Variants in TMOD3 observed in about 807,000 individuals in gnomAD.
TMOD3 encodes tropomodulin 3.
A neutral mutation model predicts 39.2 loss-of-function variants in TMOD3; 20 were observed. That is an observed-to-expected ratio of 0.51 (90% confidence interval 0.36 to 0.74). TMOD3 has a LOEUF of 0.74. Ranked by LOEUF, TMOD3 falls within the 30% of genes least tolerant of loss-of-function variation. TMOD3 has a pLI of 0.00. For missense variants in TMOD3, 381 were observed against 412.8 expected, an observed-to-expected ratio of 0.92 and a Z score of 0.67; for synonymous variants, 143 against 145.8, an observed-to-expected ratio of 0.98 and a Z score of 0.14.
At chr15:51,850,908 A>G (rs1324568496) in intron 1 of TMOD3, among the ~76,000 whole-genome samples, 4 of 152,000 alleles carry the variant, frequency 2.6e-5, no homozygotes, top group African/African-American at 9.7e-5. Context: ...TAATTTTTGT[A>G]TTTTTAGGAG....
intron 3 of TMOD3, among the ~76,000 whole-genome samples, chr15:51,877,597 T>C (rs1936984157): frequency 6.6e-6 from 1 of 151,824 alleles, no homozygotes; most frequent in Non-Finnish European, 1.5e-5. Flanking sequence ...GGAGAATCTC[T>C]TGAAACCGGA....
chr15:51,854,757 G>A (rs1179420586), intron 1 of TMOD3, among the ~76,000 whole-genome samples: 2 of 152,184 alleles, frequency 1.3e-5, no homozygotes, highest in Non-Finnish European at 2.9e-5. Context: ...AAATATAAAT[G>A]TAAATATGGC....
intron 1 of TMOD3, among the ~76,000 whole-genome samples, chr15:51,852,827 G>A (rs753140057): frequency 5.3e-5 from 8 of 152,210 alleles, no homozygotes; most frequent in Non-Finnish European, 1.2e-4. Context: ...CTCTTCAAGA[G>A]CTTTACAGTG....
intron 3 of TMOD3, among the ~76,000 whole-genome samples, chr15:51,877,892 G>A (rs992429150): frequency 1.4e-5 from 2 of 148,022 alleles, no homozygotes; most frequent in Admixed American, 1.3e-4. Context: ...GCTTTCAGAA[G>A]TTTTTTTTTT....
intron 1 of TMOD3, among the ~76,000 whole-genome samples, chr15:51,838,828 T>C (rs1412438436): frequency 6.6e-6 from 1 of 152,094 alleles, no homozygotes; most frequent in Non-Finnish European, 1.5e-5. Flanking sequence ...TGGTAGTGCC[T>C]CCAGACTTGG....
chr15:51,863,135 A>G, intron 2 of TMOD3, 125 bp downstream of exon 2: 1 of 986,520 alleles, frequency 1.0e-6, no homozygotes. Flanking sequence ...CTTTATCCAA[A>G]TCAAGTTGCT....
At chr15:51,866,106 C>T (rs1279471297) in intron 2 of TMOD3, among the ~76,000 whole-genome samples, 3 of 151,954 alleles carry the variant, frequency 2.0e-5, no homozygotes, top group African/African-American at 7.3e-5. Flanking sequence ...TCTAATGAAG[C>T]TTGGTTCATG....
chr15:51,877,242 T>C (rs767395395), intron 3 of TMOD3, among the ~76,000 whole-genome samples: 1 of 152,212 alleles, frequency 6.6e-6, no homozygotes, highest in Non-Finnish European at 1.5e-5. Context: ...TCTTTGCATG[T>C]TTGTAATTGT....
chr15:51,840,262 ACT>A (rs2056306795), intron 1 of TMOD3, among the ~76,000 whole-genome samples: 1 of 151,904 alleles, frequency 6.6e-6, no homozygotes, highest in Non-Finnish European at 1.5e-5. Context: ...TTAGTTTCCA[ACT>A]CTCTCAGTCT....
chr15:51,889,900 G>A (rs144399320), intron 5 of TMOD3, among the ~76,000 whole-genome samples: 36 of 151,994 alleles, frequency 2.4e-4, no homozygotes, highest in African/African-American at 8.7e-4. Context: ...TCTTAAATTA[G>A]CAAGGTGATA....
intron 9 of TMOD3, among the ~76,000 whole-genome samples, chr15:51,904,727 G>T (rs1466109242): frequency 5.3e-5 from 8 of 152,184 alleles, no homozygotes; most frequent in Non-Finnish European, 1.0e-4. Context: ...TGTAAGAAAA[G>T]AAATGTCCAG....
chr15:51,889,534 T>C (rs552510337), intron 5 of TMOD3, among the ~76,000 whole-genome samples: 69 of 152,232 alleles, frequency 4.5e-4, no homozygotes, highest in African/African-American at 1.7e-3. Context: ...AACCTTTCAG[T>C]CTGATGTGAA....
intron 6 of TMOD3, among the ~76,000 whole-genome samples, 157 bp downstream of exon 6, chr15:51,894,102 A>G (rs2056609174): frequency 6.6e-6 from 1 of 152,228 alleles, no homozygotes; most frequent in African/African-American, 2.4e-5. Flanking sequence ...TATTTTAGAT[A>G]TTGAAGTATT....
intron 7 of TMOD3, 113 bp downstream of exon 7, chr15:51,896,639 A>C: frequency 1.4e-6 from 1 of 702,572 alleles, no homozygotes; most frequent in South Asian, 2.1e-5. Context: ...TTAGCTCACT[A>C]TTAGGCAGTA....
chr15:51,860,718 C>G (rs1338948597), intron 1 of TMOD3: 1 of 406,206 alleles, frequency 2.5e-6, no homozygotes, highest in Non-Finnish European at 4.8e-6. Flanking sequence ...GGTGGATCAC[C>G]TGAGGTCAGG....
At chr15:51,852,120 G>C (rs2056365276) in intron 1 of TMOD3, among the ~76,000 whole-genome samples, 1 of 152,172 alleles carries the variant, frequency 6.6e-6, no homozygotes, top group South Asian at 2.1e-4. Context: ...TGTCTGTCTT[G>C]TATACTGCTT....
At chr15:51,893,977 G>A (rs764953544) in intron 6 of TMOD3, 32 bp downstream of exon 6, 1 of 1,508,054 alleles carries the variant, frequency 6.6e-7, no homozygotes, top group South Asian at 1.4e-5. Context: ...GTTTTGTATT[G>A]CTTTGAGTTA....
At chr15:51,833,456 G>A (rs1268443418) in intron 1 of TMOD3, 3 of 152,208 alleles carry the variant, frequency 2.0e-5, no homozygotes, top group East Asian at 3.8e-4. Context: ...TGTATACACT[G>A]TAACTTCTAC....
intron 5 of TMOD3, among the ~76,000 whole-genome samples, chr15:51,889,598 T>A (rs2056582162): frequency 6.6e-6 from 1 of 152,134 alleles, no homozygotes; most frequent in African/African-American, 2.4e-5. Flanking sequence ...AGGGGCCAGG[T>A]GTGGTGGATC....
Sources: gnomAD v4.1 joint callset for allele counts (sites outside exome capture counted in the v4.1 genomes callset) on GRCh38, gnomAD v4.1.1 for gene constraint, MANE v1.5 for transcripts, NCBI Gene and HGNC (gene_info 2026-07-23, HGNC 2026-07-21) for gene names.